Variants in PHKA2 observed in about 807,000 individuals in gnomAD.
The protein encoded by PHKA2 is phosphorylase b kinase regulatory subunit alpha, liver isoform.
In PHKA2, 31 loss-of-function variants were observed where a neutral mutation model predicts 102.0. The ratio of observed to expected loss-of-function variants is 0.30; its 90% CI spans 0.23 to 0.41. The LOEUF is 0.41. Among genes scored for constraint, PHKA2 ranks in the 10% least tolerant of loss-of-function variants. The pLI, the probability that PHKA2 is intolerant of heterozygous loss-of-function variation, is 1.00. For synonymous variants in PHKA2, 455 were observed against 416.2 expected (o/e 1.09, Z -1.13); for missense variants, 858 against 1,023.1 (o/e 0.84, Z 2.20).
chrX:18,974,124 C>T (rs889090881), intron 1 of PHKA2, among the ~76,000 whole-genome samples: 6 of 110,445 alleles, frequency 5.4e-5, no homozygotes, highest in South Asian at 3.9e-4. Flanking sequence ...CTCTCATGCA[C>T]GCCAAGACTT....
chrX:18,943,969 T>C (rs2048976985), intron 6 of PHKA2, among the ~76,000 whole-genome samples, 161 bp from the exon 7 acceptor site: 1 of 111,788 alleles, frequency 8.9e-6, no homozygotes, highest in African/African-American at 3.3e-5. Context: ...TTCTAGTCTT[T>C]TTTATTCTTT....
chrX:18,914,752 T>C (rs766088764), intron 19 of PHKA2, among the ~76,000 whole-genome samples: 121 of 111,998 alleles, frequency 1.1e-3, no homozygotes, highest in Middle Eastern at 9.3e-3. Flanking sequence ...AGTAACTATA[T>C]AGCTCCAGGC....
chrX:18,938,553 C>A (rs2048431592), intron 10 of PHKA2, 74 bp downstream of exon 10: 1 of 1,036,527 alleles, frequency 9.6e-7, no homozygotes, highest in East Asian at 3.0e-5. Context: ...CTTGCATAAC[C>A]CTATGTTCTA....
intron 1 of PHKA2, among the ~76,000 whole-genome samples, chrX:18,969,295 C>T (rs2048987971): frequency 9.0e-6 from 1 of 111,063 alleles, no homozygotes; most frequent in African/African-American, 3.3e-5. Flanking sequence ...ACCTTTCAAG[C>T]AAAAATGGTG....
rs186124510 is a variant in PHKA2, at chrX:18,918,808, G to A, written c.2010C>T (p.Ser670=). Residue 670 remains serine (S), a synonymous_variant, in exon 19 of 33, where the codon AGC becomes AGT. Coordinates refer to ENST00000379942, the MANE Select transcript of PHKA2 (RefSeq NM_000292.3). ...LDHYINHLLQ[S]TSLRSYLPPL... Reference sequence around the variant, plus strand: ...GAGGCAGATAGGACCTCAACGATGTGCTTTGCAGAAGGTGGTTGATATAAT... The same window carrying A: ...GAGGCAGATAGGACCTCAACGATGTACTTTGCAGAAGGTGGTTGATATAAT... 1 of 1,209,133 alleles carries A rather than the reference G, an allele frequency of 8.3e-7. No individual in the cohort carries two copies. Among genetic ancestry groups the A allele is most frequent in the Non-Finnish European group, 1.1e-6 (1 of 894,408 alleles).
chrX:18,916,061 G>A (rs979890445), intron 19 of PHKA2, among the ~76,000 whole-genome samples: 3 of 111,871 alleles, frequency 2.7e-5, no homozygotes, highest in African/African-American at 9.7e-5. Flanking sequence ...GTCAGAAGCC[G>A]GGAGCAGAGA....
At position 18,954,292 on chromosome X, in the gene PHKA2, G is replaced by C. The variant is rs1463806239; in HGVS notation, c.199C>G (p.Arg67Gly). ...LGMAYRKNAD[R>G]DEDKAKAYEL... ...TAGGCCTTGGCCTTGTCCTCATCGC[G>C]GTCTGCATTCTTACGGTAGGCCATG... Residue 67 changes from arginine (R) to glycine (G), a missense_variant, in exon 2 of 33, where the codon CGC becomes GGC. Coordinates refer to ENST00000379942, the MANE Select transcript of PHKA2 (RefSeq NM_000292.3). 2.5e-6 allele frequency: 3 copies of C among 1,211,572 alleles called. No individual in the cohort carries two copies. Among genetic ancestry groups the C allele is most frequent in the East Asian group, 5.9e-5 (2 of 33,819 alleles).
chrX:18,932,716 G>A (rs755925797), intron 11 of PHKA2, among the ~76,000 whole-genome samples: 98 of 111,057 alleles, frequency 8.8e-4, no homozygotes, highest in African/African-American at 3.1e-3. Context: ...TAGAGATAAC[G>A]TTTTCTTCTT....
chrX:18,970,097 GGT>G (rs2049000079), intron 1 of PHKA2, among the ~76,000 whole-genome samples: 1 of 111,277 alleles, frequency 9.0e-6, no homozygotes, highest in Non-Finnish European at 1.9e-5. Flanking sequence ...AAATTAGCCA[GGT>G]GTGGAGGCAT....
intron 1 of PHKA2, 63 bp from the exon 2 acceptor site, chrX:18,954,475 T>A (rs1309624851): frequency 1.8e-6 from 2 of 1,103,996 alleles, no homozygotes; most frequent in Non-Finnish European, 2.5e-6. Flanking sequence ...GGGTAACAGA[T>A]GCTTGTCCTA....
At chrX:18,969,087 T>A (rs1454088485) in intron 1 of PHKA2, among the ~76,000 whole-genome samples, 1 of 108,818 alleles carries the variant, frequency 9.2e-6, no homozygotes, top group Non-Finnish European at 1.9e-5. Flanking sequence ...CACTCCAGCC[T>A]GGGCAACAAG....
intron 27 of PHKA2, among the ~76,000 whole-genome samples, chrX:18,900,908 A>T (rs1390560670): frequency 9.1e-6 from 1 of 109,587 alleles, no homozygotes; most frequent in Admixed American, 9.8e-5. Context: ...TCAGAGGGAA[A>T]CTCTTTCCCA....
chrX:18,976,179 T>C (rs2049088030), intron 1 of PHKA2, among the ~76,000 whole-genome samples: 1 of 110,065 alleles, frequency 9.1e-6, no homozygotes. Context: ...TTCACTATGT[T>C]GGCCAGGCTG....
chrX:18,971,352 T>C (rs994381521), intron 1 of PHKA2, among the ~76,000 whole-genome samples: 1 of 112,423 alleles, frequency 8.9e-6, no homozygotes, highest in African/African-American at 3.2e-5. Context: ...GTTTGCTTTC[T>C]CCTCTGCACA....
chrX:18,958,687 TTAAG>T (rs942747185), intron 1 of PHKA2, among the ~76,000 whole-genome samples: 4 of 110,519 alleles, frequency 3.6e-5, no homozygotes, highest in Non-Finnish European at 7.6e-5. Flanking sequence ...TGTGAGCTGA[TTAAG>T]TTTCAGTTTC....
chrX:18,927,505 T>C lies in PHKA2; in HGVS notation c.1325-918A>G, dbSNP rs543063516. Among the ~76,000 whole-genome samples, 3 of 112,192 alleles carry C rather than the reference T, an allele frequency of 2.7e-5. No homozygotes were observed. The South Asian group carries it at 1.1e-3, about 42-fold the overall frequency. The stretch of plus-strand genomic sequence containing the variant: ...TGCAGAGGCTCAGGGCAGCGCAGGA[T>C]TGGCTACTGTTAAGTACAATCATTG... On this transcript the variant is annotated intron_variant, in intron 13 of 32. Transcript: ENST00000379942.
intron 27 of PHKA2, among the ~76,000 whole-genome samples, chrX:18,901,008 T>A (rs1195203062): frequency 2.5e-5 from 2 of 80,411 alleles, no homozygotes; most frequent in African/African-American, 1.3e-4. Flanking sequence ...TTCAAAAGGA[T>A]TTTTTTTTTT....
At chrX:18,899,029 AT>A in intron 29 of PHKA2, 143 bp downstream of exon 29, 2 of 542,833 alleles carry the variant, frequency 3.7e-6, no homozygotes, top group Non-Finnish European at 6.5e-6. Context: ...CCTCCTCAGA[AT>A]TCCAGTTGGA....
Position 18,895,176 on chromosome X carries a change from T to G in PHKA2, c.3298A>C (p.Ile1100Leu). The change falls in exon 31 of 33, where the codon ATC becomes CTC. Residue 1100 changes from isoleucine (I) to leucine (L), a missense_variant. Transcript: ENST00000379942. ...GAGGATGGGAGGACATAACCATCGATGGAGAGACCGTGGCACTGGAGGCAG... is the reference window on the plus strand; with the variant it reads ...GAGGATGGGAGGACATAACCATCGAGGGAGAGACCGTGGCACTGGAGGCAG... ...KILQKCHGLS[I>L]DGYVLPSSTT... 3 of 1,211,231 alleles carry G rather than the reference T, an allele frequency of 2.5e-6. No homozygotes were observed. Among genetic ancestry groups the G allele is most frequent in the Non-Finnish European group, 3.4e-6 (3 of 894,937 alleles).
Sources: allele counts gnomAD v4.1 joint callset (sites outside exome capture counted in the v4.1 genomes callset), GRCh38; gene constraint gnomAD v4.1.1; transcripts MANE v1.5; gene names NCBI Gene and HGNC (gene_info 2026-07-23, HGNC 2026-07-21).